The following SEMA3D variants were observed in gnomAD, a reference collection of about 807,000 sequenced individuals.
SEMA3D encodes semaphorin 3D.
In SEMA3D, 84 loss-of-function variants were observed where a neutral mutation model predicts 100.1. The ratio of observed to expected loss-of-function variants is 0.84; its 90% CI spans 0.70 to 1.01. The LOEUF is 1.01. Ranked by LOEUF, SEMA3D falls within the 50% of genes least tolerant of loss-of-function variation. The pLI is 0.00. For synonymous variants in SEMA3D, 312 were observed against 320.7 expected (o/e 0.97, Z 0.29); for missense variants, 875 against 934.1 (o/e 0.94, Z 0.82).
the SEMA3D span, among the ~76,000 whole-genome samples, chr7:85,220,228 T>C: frequency 6.6e-6 from 1 of 152,062 alleles, no homozygotes; most frequent in Non-Finnish European, 1.5e-5. Flanking sequence ...AAACAATTCA[T>C]TCTGTCACTG....
intron 1 of SEMA3D, among the ~76,000 whole-genome samples, chr7:85,155,106 A>C (rs1790548428): frequency 6.8e-6 from 1 of 146,638 alleles, no homozygotes; most frequent in African/African-American, 2.5e-5. Context: ...GTATACAGAA[A>C]GCATCTGTAC....
rs180803912 is a variant in SEMA3D, at chr7:85,156,559, G to A, written c.-172-2820C>T. On this transcript the variant is annotated intron_variant, in intron 1 of 18. Transcript: ENST00000284136. Reference sequence around the variant, plus strand: ...AAATAATATCGCTTTAAGACCTATGGTCTTAACTACATTTTAATTTGGTAT... The same window carrying A: ...AAATAATATCGCTTTAAGACCTATGATCTTAACTACATTTTAATTTGGTAT... Among the ~76,000 whole-genome samples the A allele has an allele frequency of 2.0e-3, 305 of 152,104 alleles. 1 individual carries two copies. The highest frequency in any genetic ancestry group is 7.1e-3 in the African/African-American group (295 of 41,506).
At chr7:85,206,365 T>C in the SEMA3D span, among the ~76,000 whole-genome samples, 2 of 152,238 alleles carry the variant, frequency 1.3e-5, no homozygotes, top group South Asian at 4.1e-4. Context: ...ACTCTGAACA[T>C]ATTAAAGGAT....
the SEMA3D span, among the ~76,000 whole-genome samples, chr7:85,192,887 G>GA: frequency 6.6e-6 from 1 of 151,996 alleles, no homozygotes; most frequent in Non-Finnish European, 1.5e-5. Context: ...TTGTCAAAAA[G>GA]AAAGTCTACA....
chr7:85,144,772 T>C (rs1790155153), intron 2 of SEMA3D: 5 of 593,282 alleles, frequency 8.4e-6, no homozygotes, highest in Admixed American at 6.3e-5. Context: ...TAATATTTCA[T>C]AGAATTTGAT....
rs1231902397 is a variant in SEMA3D, at chr7:85,036,900, G to A, written c.1180C>T (p.Arg394Trp). The change falls in exon 12 of 19, where the codon CGG becomes TGG. Residue 394 changes from arginine (R) to tryptophan (W), a missense_variant. Physicochemically the swap from Arg to Trp is moderately radical, Grantham distance 101 (BLOSUM62 -3). Coordinates refer to ENST00000284136, the MANE Select transcript of SEMA3D (RefSeq NM_001384900.1). Reference sequence around the variant, plus strand: ...AGTTGGATACATACTGTACCAGGCCGTGGATAAGGAATTCTCCCATCATAC... The same window carrying A: ...AGTTGGATACATACTGTACCAGGCCATGGATAAGGAATTCTCCCATCATAC... ...VQYDGRIPYPRPGTCPSKTYD... is the reference protein window; with the variant it reads ...VQYDGRIPYPWPGTCPSKTYD... 2 of 1,612,434 alleles carry A rather than the reference G, an allele frequency of 1.2e-6. No homozygotes were observed. Among genetic ancestry groups the A allele is most frequent in the Non-Finnish European group, 1.7e-6 (2 of 1,178,810 alleles).
chr7:85,103,282 T>G (rs891170469), intron 3 of SEMA3D, among the ~76,000 whole-genome samples: 4 of 151,948 alleles, frequency 2.6e-5, no homozygotes, highest in Admixed American at 2.0e-4. Context: ...AAATCAGAAA[T>G]GGATGCTGGC....
At chr7:85,149,791 A>T (rs1040341323) in intron 2 of SEMA3D, among the ~76,000 whole-genome samples, 11 of 152,148 alleles carry the variant, frequency 7.2e-5, no homozygotes, top group Non-Finnish European at 1.5e-4. Flanking sequence ...GTGATTCCAA[A>T]ACTATGTGCA....
chr7:85,228,807 C>A, the SEMA3D span, among the ~76,000 whole-genome samples: 1 of 152,160 alleles, frequency 6.6e-6, no homozygotes, highest in East Asian at 1.9e-4. Context: ...ATCATGAACA[C>A]ATTTTTAATT....
chr7:85,030,864 T>G (rs960295373), intron 12 of SEMA3D, among the ~76,000 whole-genome samples: 1 of 152,036 alleles, frequency 6.6e-6, no homozygotes, highest in African/African-American at 2.4e-5. Flanking sequence ...CCTGTATGAT[T>G]GATTCACTGT....
At chr7:85,246,700 T>C in the SEMA3D span, among the ~76,000 whole-genome samples, 2 of 151,914 alleles carry the variant, frequency 1.3e-5, no homozygotes, top group African/African-American at 4.8e-5. Flanking sequence ...GAAAAAAACC[T>C]GATAATATCT....
At chr7:85,120,625 G>T (rs1323545429) in intron 3 of SEMA3D, among the ~76,000 whole-genome samples, 1 of 141,846 alleles carries the variant, frequency 7.0e-6, no homozygotes, top group Non-Finnish European at 1.5e-5. Context: ...CCGAGATCAT[G>T]CCCTGCCCAC....
At chr7:85,144,428 A>G in intron 2 of SEMA3D, 2 of 974,312 alleles carry the variant, frequency 2.1e-6, no homozygotes, top group Non-Finnish European at 2.4e-6. Context: ...AGATGTAAAT[A>G]CCCACACACT....
chr7:85,237,887 A>G, the SEMA3D span, among the ~76,000 whole-genome samples: 2 of 152,170 alleles, frequency 1.3e-5, no homozygotes, highest in African/African-American at 4.8e-5. Context: ...TCTCATCCCC[A>G]ATGAATGAGA....
At chr7:85,243,421 T>C in the SEMA3D span, among the ~76,000 whole-genome samples, 1 of 152,156 alleles carries the variant, frequency 6.6e-6, no homozygotes. Flanking sequence ...ATTCCGGTAC[T>C]GGTTTTTCTA....
chr7:85,105,029 C>G (rs973023106), intron 3 of SEMA3D, among the ~76,000 whole-genome samples: 3 of 152,130 alleles, frequency 2.0e-5, no homozygotes, highest in African/African-American at 7.2e-5. Flanking sequence ...ATTGCCCTGC[C>G]CACTTTTCTT....
chr7:85,170,288 G>C (rs774246341), intron 1 of SEMA3D, among the ~76,000 whole-genome samples: 1 of 151,762 alleles, frequency 6.6e-6, no homozygotes, highest in Non-Finnish European at 1.5e-5. Flanking sequence ...CATTATTTTA[G>C]TAGTCTGAAA....
At chr7:85,185,659 C>T (rs1273423296) in intron 1 of SEMA3D, among the ~76,000 whole-genome samples, 2 of 152,332 alleles carry the variant, frequency 1.3e-5, no homozygotes, top group Non-Finnish European at 2.9e-5. Context: ...AAGCTCCCTG[C>T]CACAGCGCGG....
At chr7:85,179,495 T>C (rs1562846616) in intron 1 of SEMA3D, among the ~76,000 whole-genome samples, 1 of 152,192 alleles carries the variant, frequency 6.6e-6, no homozygotes, top group African/African-American at 2.4e-5. Context: ...TAGACTTGCA[T>C]GGGGCCTGTA....
Sources: gnomAD v4.1 joint callset for allele counts (sites outside exome capture counted in the v4.1 genomes callset) on GRCh38, gnomAD v4.1.1 for gene constraint, MANE v1.5 for transcripts, NCBI Gene and HGNC (gene_info 2026-07-23, HGNC 2026-07-21) for gene names.